The following WDR41 variants were observed in gnomAD, a reference collection of about 807,000 sequenced individuals.
The protein encoded by WDR41 is WD repeat domain 41.
Under a neutral mutation model 69.3 loss-of-function variants are expected in WDR41, and 63 were observed. That is an observed-to-expected ratio of 0.91 (90% confidence interval 0.74 to 1.12). WDR41 has a LOEUF of 1.12. Among genes scored for constraint, WDR41 ranks in the 50% most tolerant of loss-of-function variants. WDR41 has a pLI of 0.00. For synonymous variants in WDR41, 185 were observed against 192.1 expected, an observed-to-expected ratio of 0.96 and a Z score of 0.31; for missense variants, 543 against 534.5, an observed-to-expected ratio of 1.02 and a Z score of -0.16.
At chr5:77,590,821 T>C (rs928558570) in intron 1 of WDR41, among the ~76,000 whole-genome samples, 21 of 152,216 alleles carry the variant, frequency 1.4e-4, no homozygotes, top group African/African-American at 4.8e-4. Context: ...TTGGCTTGTA[T>C]TTTTCCTTTC....
rs1361474251 is a variant in WDR41, at chr5:77,431,173, TA to T, written c.*1961del. On this transcript the variant is annotated 3_prime_UTR_variant, in exon 13 of 13. Coordinates refer to ENST00000296679, the MANE Select transcript of WDR41 (RefSeq NM_018268.4). ...CTGTGGGTAAAATGCTATTAAATAG[TA>T]TTACATGTTACAGAGATCTCATTTG... 1 of 152,214 alleles carries T rather than the reference TA, an allele frequency of 6.6e-6. No homozygotes were observed. The highest frequency in any genetic ancestry group is 2.4e-5 in the African/African-American group (1 of 41,464). The allele number at this position is 152,214 out of a possible 1,614,324, so 9.4% of individuals were successfully genotyped here.
chr5:77,481,683 G>A (rs1055615409), intron 2 of WDR41, among the ~76,000 whole-genome samples: 1 of 151,738 alleles, frequency 6.6e-6, no homozygotes, highest in Non-Finnish European at 1.5e-5. Flanking sequence ...TACTCGGGAG[G>A]CTGAGGCAGA....
At chr5:77,454,967 A>C (rs1400452472) in intron 5 of WDR41, among the ~76,000 whole-genome samples, 1 of 152,230 alleles carries the variant, frequency 6.6e-6, no homozygotes, top group Non-Finnish European at 1.5e-5. Context: ...TGCTATGAAC[A>C]ATCATGTACA....
chr5:77,441,013 A>C lies in WDR41; in HGVS notation c.698-16T>G, dbSNP rs765885559. 3.1e-6 allele frequency: 5 copies of C among 1,611,866 alleles called. No homozygotes were observed. The East Asian group carries it at 1.1e-4, about 36-fold the overall frequency. On this transcript the variant is annotated splice_polypyrimidine_tract_variant and intron_variant, in intron 8 of 12. Coordinates refer to ENST00000296679, the MANE Select transcript of WDR41 (RefSeq NM_018268.4). ...AAACTCAAATCTAGGCAAAGTTCAC[A>C]TATGCCTCATTATCGATCATTTTAT...
At chr5:77,532,673 A>C (rs1179660011) in intron 1 of WDR41, among the ~76,000 whole-genome samples, 1 of 152,152 alleles carries the variant, frequency 6.6e-6, no homozygotes. Flanking sequence ...TGAATCTCCT[A>C]AACATAATAG....
intron 1 of WDR41, among the ~76,000 whole-genome samples, chr5:77,578,261 G>A (rs868736481): frequency 1.2e-4 from 18 of 152,260 alleles, no homozygotes; most frequent in Middle Eastern, 3.4e-3. Context: ...TAATGTCATA[G>A]AGTTTAACAG....
chr5:77,570,767 A>C (rs1743719310), intron 1 of WDR41, among the ~76,000 whole-genome samples: 1 of 151,958 alleles, frequency 6.6e-6, no homozygotes, highest in Non-Finnish European at 1.5e-5. Context: ...AGCTCTAAAA[A>C]TGACAAAATC....
intron 1 of WDR41, among the ~76,000 whole-genome samples, chr5:77,537,198 T>C (rs1743003326): frequency 1.3e-5 from 2 of 152,266 alleles, no homozygotes; most frequent in South Asian, 4.1e-4. Context: ...TTAGGTTCCA[T>C]GAGAGCAACC....
intron 8 of WDR41, among the ~76,000 whole-genome samples, chr5:77,441,378 A>C (rs1352720929): frequency 6.6e-6 from 1 of 152,142 alleles, no homozygotes; most frequent in Admixed American, 6.6e-5. Flanking sequence ...TACTTTTAGG[A>C]ATGTGGAGTG....
At chr5:77,588,478 A>T (rs1161380248) in intron 1 of WDR41, among the ~76,000 whole-genome samples, 1 of 152,176 alleles carries the variant, frequency 6.6e-6, no homozygotes, top group Non-Finnish European at 1.5e-5. Flanking sequence ...ATAAAGATAA[A>T]GATTCCTTTT....
chr5:77,476,107 A>C (rs1800912055), intron 2 of WDR41, among the ~76,000 whole-genome samples: 1 of 131,414 alleles, frequency 7.6e-6, no homozygotes, highest in Non-Finnish European at 1.6e-5. Context: ...TGAAGCGAGA[A>C]GGGAAGTTTA....
chr5:77,567,701 A>G (rs554627045), intron 1 of WDR41, among the ~76,000 whole-genome samples: 66 of 151,972 alleles, frequency 4.3e-4, no homozygotes, highest in Middle Eastern at 3.4e-3. Flanking sequence ...CATGGAACCA[A>G]TGCTATTCTG....
intron 1 of WDR41, among the ~76,000 whole-genome samples, chr5:77,513,166 GT>G (rs1364646361): frequency 6.6e-6 from 1 of 151,894 alleles, no homozygotes; most frequent in Non-Finnish European, 1.5e-5. Flanking sequence ...TTTAATTCTT[GT>G]ACTTCTGTAC....
intron 1 of WDR41, among the ~76,000 whole-genome samples, chr5:77,542,131 G>A (rs1743098836): frequency 6.6e-6 from 1 of 152,242 alleles, no homozygotes; most frequent in Middle Eastern, 3.4e-3. Context: ...GGATATGGAT[G>A]GAGCTGGAAG....
At chr5:77,466,007 T>C (rs1800289835) in intron 2 of WDR41, among the ~76,000 whole-genome samples, 1 of 151,992 alleles carries the variant, frequency 6.6e-6, no homozygotes. Context: ...CAAAATCCTT[T>C]GAGTACATCT....
intron 8 of WDR41, among the ~76,000 whole-genome samples, chr5:77,443,333 A>G (rs914044996): frequency 1.3e-5 from 2 of 152,218 alleles, no homozygotes; most frequent in Non-Finnish European, 2.9e-5. Context: ...ATTATGATTT[A>G]ATTATTTCAT....
chr5:77,600,265 C>T (rs1486557250), intron 1 of WDR41, among the ~76,000 whole-genome samples: 3 of 152,136 alleles, frequency 2.0e-5, no homozygotes, highest in Non-Finnish European at 4.4e-5. Flanking sequence ...AATGGAATAC[C>T]ACTGAGCAAG....
chr5:77,601,764 C>T lies in WDR41; in HGVS notation c.42+18715G>A, dbSNP rs571247509. Among the ~76,000 whole-genome samples the T allele has an allele frequency of 2.6e-5, 4 of 152,324 alleles. No individual in the cohort carries two copies. The East Asian group carries it at 7.7e-4, about 29-fold the overall frequency. On this transcript the variant is annotated intron_variant, in intron 1 of 5. Coordinates refer to the WDR41 transcript ENST00000509971. ...GGAAATAAAGTGAAACGTAATTCCT[C>T]CCCAGTTCCTTTTCCTATTCATAAA...
At chr5:77,531,069 G>A (rs1031870468) in intron 1 of WDR41, among the ~76,000 whole-genome samples, 1 of 151,440 alleles carries the variant, frequency 6.6e-6, no homozygotes, top group Admixed American at 6.6e-5. Context: ...AAAAAACAGG[G>A]GTAAATCTTC....
Sources: gnomAD v4.1 joint callset for allele counts (sites outside exome capture counted in the v4.1 genomes callset) on GRCh38, gnomAD v4.1.1 for gene constraint, MANE v1.5 for transcripts, NCBI Gene and HGNC (gene_info 2026-07-23, HGNC 2026-07-21) for gene names.